L3MBTL4: variants seen among roughly 807,000 people sequenced by gnomAD.
L3MBTL4 encodes the protein L3MBTL histone methyl-lysine binding protein 4.
L3MBTL4 carries 70 observed loss-of-function variants against 84.5 expected under a neutral mutation model. The ratio of observed to expected loss-of-function variants is 0.83; its 90% CI spans 0.68 to 1.01. L3MBTL4 has a LOEUF of 1.01. L3MBTL4 is among the 50% of genes least tolerant of loss of function. The pLI is 0.00. For missense variants in L3MBTL4, 715 were observed against 754.8 expected, an observed-to-expected ratio of 0.95 and a Z score of 0.62; for synonymous variants, 274 against 259.8, an observed-to-expected ratio of 1.05 and a Z score of -0.52.
chr18:6,333,546 G>A (rs1022826651), intron 1 of L3MBTL4, among the ~76,000 whole-genome samples: 8 of 149,638 alleles, frequency 5.3e-5, no homozygotes, highest in African/African-American at 2.0e-4. Context: ...CTGCACTCCA[G>A]CCTGGCGACA....
chr18:6,024,256 G>C (rs1030200020), intron 16 of L3MBTL4, among the ~76,000 whole-genome samples: 74 of 152,268 alleles, frequency 4.9e-4, no homozygotes, highest in African/African-American at 1.7e-3. Context: ...GATGGTCATC[G>C]ATTGGAATTT....
At chr18:6,152,324 G>A (rs2144851217) in intron 13 of L3MBTL4, among the ~76,000 whole-genome samples, 1 of 151,880 alleles carries the variant, frequency 6.6e-6, no homozygotes, top group South Asian at 2.1e-4. Flanking sequence ...TTCCATAACA[G>A]CTATACCAAT....
At chr18:6,164,193 T>C (rs1203040584) in intron 13 of L3MBTL4, among the ~76,000 whole-genome samples, 11 of 152,238 alleles carry the variant, frequency 7.2e-5, no homozygotes, top group Admixed American at 7.2e-4. Context: ...AAGCTGGAAC[T>C]GGGTGGAGCC....
At chr18:6,285,474 G>C (rs937843864) in intron 4 of L3MBTL4, among the ~76,000 whole-genome samples, 1 of 145,152 alleles carries the variant, frequency 6.9e-6, no homozygotes, top group African/African-American at 2.7e-5. Flanking sequence ...TATTAAAATA[G>C]TGCTATAAAG....
At chr18:5,981,820 A>T (rs183512615) in intron 16 of L3MBTL4, among the ~76,000 whole-genome samples, 291 of 151,998 alleles carry the variant, frequency 1.9e-3, no homozygotes, top group African/African-American at 2.8e-3. Context: ...TTTTTTTTTT[A>T]AAAATAAACT....
At chr18:6,318,315 G>A (rs1164774121) in intron 1 of L3MBTL4, among the ~76,000 whole-genome samples, 1 of 151,658 alleles carries the variant, frequency 6.6e-6, no homozygotes, top group African/African-American at 2.4e-5. Flanking sequence ...CAGATTGGCA[G>A]AATGGATAGA....
At chr18:6,397,247 G>A (rs2055311125) in intron 1 of L3MBTL4, 1 of 152,128 alleles carries the variant, frequency 6.6e-6, no homozygotes, top group South Asian at 2.1e-4. Flanking sequence ...TCTCTGCAGA[G>A]TTCACAGAAA....
At position 6,339,198 on chromosome 18, in the gene L3MBTL4, A is replaced by G. The variant is rs186100636; in HGVS notation, c.-90-27142T>C. On this transcript the variant is annotated intron_variant, in intron 1 of 18. Transcript: ENST00000317931. ...CACTGCACCAACAAAGAAAATAAAA[A>G]AATGTCCTTCAAAAGCACTTGAAAC... 1.4e-4 allele frequency among the ~76,000 whole-genome samples: 22 copies of G among 152,318 alleles called. No homozygotes were observed. The East Asian group carries it at 4.2e-3, about 29-fold the overall frequency.
intron 4 of L3MBTL4, among the ~76,000 whole-genome samples, chr18:6,300,859 A>G (rs958308276): frequency 2.0e-5 from 3 of 152,216 alleles, no homozygotes; most frequent in East Asian, 1.9e-4. Flanking sequence ...CCAGTGTTAC[A>G]TAACTGAGGT....
At chr18:6,007,961 A>T (rs2054567279) in intron 16 of L3MBTL4, among the ~76,000 whole-genome samples, 2 of 152,376 alleles carry the variant, frequency 1.3e-5, no homozygotes, top group South Asian at 4.1e-4. Flanking sequence ...ACTCAAGGAT[A>T]CATGAGACTT....
chr18:6,348,639 C>G (rs970882695), intron 1 of L3MBTL4, among the ~76,000 whole-genome samples: 3 of 152,020 alleles, frequency 2.0e-5, no homozygotes, highest in African/African-American at 7.2e-5. Flanking sequence ...TCTTCATGGC[C>G]TTAGGTAACA....
chr18:6,392,545 T>A (rs779223163), intron 1 of L3MBTL4, among the ~76,000 whole-genome samples: 18 of 152,308 alleles, frequency 1.2e-4, no homozygotes, highest in South Asian at 4.1e-4. Flanking sequence ...CGAGAGACTC[T>A]GTCTCAATAA....
At chr18:6,030,867 G>A in intron 16 of L3MBTL4, 2 of 984,984 alleles carry the variant, frequency 2.0e-6, no homozygotes, top group Non-Finnish European at 2.4e-6. Flanking sequence ...AAACTGCACT[G>A]TAGGATATAA....
intron 1 of L3MBTL4, among the ~76,000 whole-genome samples, chr18:6,412,110 C>T (rs2055992052): frequency 6.6e-6 from 1 of 151,978 alleles, no homozygotes; most frequent in South Asian, 2.1e-4. Flanking sequence ...GCCTAGTATC[C>T]ATTAGTTATT....
chr18:6,172,224 T>C (rs2044007347), intron 12 of L3MBTL4, among the ~76,000 whole-genome samples: 1 of 152,164 alleles, frequency 6.6e-6, no homozygotes, highest in Non-Finnish European at 1.5e-5. Context: ...TTTTCTCAAC[T>C]AAGACACGTA....
intron 13 of L3MBTL4, among the ~76,000 whole-genome samples, chr18:6,156,989 A>G (rs1475458780): frequency 2.6e-5 from 4 of 152,254 alleles, no homozygotes; most frequent in Non-Finnish European, 5.9e-5. Context: ...TCACACCTCC[A>G]GAAGGTAGAG....
intron 18 of L3MBTL4, among the ~76,000 whole-genome samples, chr18:5,958,222 A>C (rs537067816): frequency 3.3e-5 from 5 of 152,172 alleles, no homozygotes; most frequent in Non-Finnish European, 7.3e-5. Context: ...TCAATGTCTC[A>C]CTGATAGAAT....
chr18:6,307,364 G>C (rs1208953807), intron 3 of L3MBTL4, among the ~76,000 whole-genome samples: 2 of 151,338 alleles, frequency 1.3e-5, no homozygotes, highest in East Asian at 3.9e-4. Context: ...TTGAACCTGG[G>C]AGACGGAGAT....
At chr18:5,993,555 CCATT>C (rs1325069259) in intron 16 of L3MBTL4, among the ~76,000 whole-genome samples, 1 of 151,594 alleles carries the variant, frequency 6.6e-6, no homozygotes, top group East Asian at 1.9e-4. Context: ...GTTTTTTTTC[CCATT>C]ATTTTAGGAT....
Sources: allele counts gnomAD v4.1 joint callset (sites outside exome capture counted in the v4.1 genomes callset), GRCh38; gene constraint gnomAD v4.1.1; transcripts MANE v1.5; gene names NCBI Gene and HGNC (gene_info 2026-07-23, HGNC 2026-07-21).